Variants in FAM13A observed in about 807,000 individuals in gnomAD.
FAM13A encodes protein FAM13A.
Under a neutral mutation model 129.6 loss-of-function variants are expected in FAM13A, and 76 were observed. The observed-to-expected ratio is 0.59, with a 90% CI of 0.49 to 0.71. The LOEUF (loss-of-function observed/expected upper bound fraction) is 0.71. FAM13A is among the 30% of genes least tolerant of loss of function. The pLI is 0.00. For missense variants in FAM13A, 1,108 were observed against 1,249.3 expected, an observed-to-expected ratio of 0.89 and a Z score of 1.70; for synonymous variants, 443 against 449.9, an observed-to-expected ratio of 0.98 and a Z score of 0.20.
At chr4:88,850,155 T>C (rs1322198125) in intron 7 of FAM13A, among the ~76,000 whole-genome samples, 1 of 152,156 alleles carries the variant, frequency 6.6e-6, no homozygotes, top group Non-Finnish European at 1.5e-5. Context: ...TAATAGAAGA[T>C]ATTATTAAAA....
At chr4:89,013,304 C>T (rs1485446048) in intron 3 of FAM13A, among the ~76,000 whole-genome samples, 2 of 147,332 alleles carry the variant, frequency 1.4e-5, no homozygotes, top group Non-Finnish European at 3.0e-5. Flanking sequence ...ATATATAAAA[C>T]ACAGTATATA....
At chr4:88,795,866 C>A (rs1343330081) in intron 8 of FAM13A, among the ~76,000 whole-genome samples, 8 of 151,754 alleles carry the variant, frequency 5.3e-5, no homozygotes, top group Non-Finnish European at 8.9e-5. Flanking sequence ...GATGTATTCT[C>A]TAATCTTTTA....
rs574579468 is a variant in FAM13A, at chr4:89,016,115, G to T, written c.427+4345C>A. Among the ~76,000 whole-genome samples, 10 of 151,796 alleles carry T rather than the reference G, an allele frequency of 6.6e-5. No homozygotes were observed. In the South Asian group the frequency reaches 2.1e-3, roughly 31 times the overall value. On this transcript the variant is annotated intron_variant, in intron 3 of 23. Coordinates refer to ENST00000264344, the MANE Select transcript of FAM13A (RefSeq NM_014883.4). ...AGACTTTCCATTGGAACAAGATATG[G>T]AGGTGGAAGGTAGTAATATTGATGA... is the stretch of plus-strand genomic sequence containing the variant.
chr4:88,767,572 C>G lies in FAM13A; in HGVS notation c.1559G>C (p.Gly520Ala), dbSNP rs1333966612. 6.2e-7 allele frequency: 1 copy of G among 1,602,630 alleles called. No individual in the cohort carries two copies. The highest frequency in any genetic ancestry group is 1.8e-5 in the Admixed American group (1 of 56,516). Reference protein sequence around the residue: ...DERKGNEKDGGHTQHFESPTM... With the variant: ...DERKGNEKDGAHTQHFESPTM... ...ACTCACCTCAAAATGCTGAGTGTGT[C>G]CACCATCTTTTTCATTTCCTTTCCT... Residue 520 changes from glycine (G) to alanine (A), a missense_variant, in exon 13 of 24, where the codon GGA (glycine) becomes GCA (alanine). This residue lies in a region of FAM13A where 13 missense variants were observed against 32.4 expected (regional missense o/e 0.40). Coordinates refer to ENST00000264344, the MANE Select transcript of FAM13A (RefSeq NM_014883.4).
chr4:88,928,041 T>C (rs1233921579), intron 5 of FAM13A, among the ~76,000 whole-genome samples: 1 of 152,148 alleles, frequency 6.6e-6, no homozygotes, highest in Non-Finnish European at 1.5e-5. Flanking sequence ...GTTTTCATTT[T>C]CATCTGATTC....
chr4:88,867,319 T>C (rs923652114), intron 6 of FAM13A, among the ~76,000 whole-genome samples: 3 of 152,208 alleles, frequency 2.0e-5, no homozygotes, highest in Non-Finnish European at 4.4e-5. Context: ...TCTTGTGCTT[T>C]AGAAACATTA....
chr4:88,945,917 T>C (rs1755664917), intron 4 of FAM13A, among the ~76,000 whole-genome samples: 2 of 136,878 alleles, frequency 1.5e-5, no homozygotes, highest in Non-Finnish European at 3.1e-5. Context: ...AGACTATATA[T>C]ATATAGTATA....
chr4:88,888,205 C>T (rs1315759537), intron 6 of FAM13A, among the ~76,000 whole-genome samples: 1 of 152,206 alleles, frequency 6.6e-6, no homozygotes, highest in Non-Finnish European at 1.5e-5. Context: ...TACTTAAATT[C>T]TGTCTCCTCC....
chr4:88,759,068 A>G, intron 13 of FAM13A, 167 bp from the exon 14 acceptor site: 1 of 619,934 alleles, frequency 1.6e-6, no homozygotes, highest in Admixed American at 3.0e-5. Flanking sequence ...CTAGCTGGCC[A>G]CTTGCATGCA....
chr4:88,990,935 G>C lies in FAM13A; in HGVS notation c.605+38C>G, dbSNP rs369354988. On this transcript the variant is annotated intron_variant, in intron 4 of 23. Coordinates refer to ENST00000264344, the MANE Select transcript of FAM13A (RefSeq NM_014883.4). ...TCAGACAGTAGTAAACACAAAGGGG[G>C]ACATGATGATATTAACAGTAAAACT... The C allele has an allele frequency of 7.1e-5, 105 of 1,483,884 alleles. 1 individual carries two copies. The highest frequency in any genetic ancestry group is 8.8e-5 in the Non-Finnish European group (93 of 1,062,252). 91.9% of individuals were successfully genotyped at this position (1,483,884 alleles called of 1,614,324 possible).
chr4:89,000,196 TACTC>T (rs1342132063), intron 3 of FAM13A, among the ~76,000 whole-genome samples: 4 of 152,144 alleles, frequency 2.6e-5, no homozygotes, highest in South Asian at 4.1e-4. Flanking sequence ...TACAGGTAGA[TACTC>T]AAGAGAAATG....
At chr4:89,021,770 G>A (rs936241496) in intron 2 of FAM13A, among the ~76,000 whole-genome samples, 1 of 152,000 alleles carries the variant, frequency 6.6e-6, no homozygotes, top group Non-Finnish European at 1.5e-5. Context: ...TGGTGGAAAA[G>A]AAGTGAAAAA....
At chr4:88,905,129 A>C (rs1240224367) in intron 6 of FAM13A, among the ~76,000 whole-genome samples, 1 of 152,084 alleles carries the variant, frequency 6.6e-6, no homozygotes, top group Non-Finnish European at 1.5e-5. Flanking sequence ...GGCTAGAAAA[A>C]ATTATATGTA....
At chr4:88,945,990 G>GTGTGTGTGTATATATA in intron 4 of FAM13A, among the ~76,000 whole-genome samples, 46 of 61,892 alleles carry the variant, frequency 7.4e-4, no homozygotes, top group Admixed American at 1.9e-3. Flanking sequence ...GTGTGTGTGT[G>GTGTGTGTGTATATATA]TATATATATA....
chr4:88,997,157 A>G (rs182903321), intron 3 of FAM13A, among the ~76,000 whole-genome samples: 4 of 152,346 alleles, frequency 2.6e-5, no homozygotes, highest in Admixed American at 2.0e-4. Context: ...CAGATGTATT[A>G]ACATATGTTA....
chr4:88,748,176 G>A (rs1741785052), intron 17 of FAM13A, among the ~76,000 whole-genome samples: 1 of 152,206 alleles, frequency 6.6e-6, no homozygotes, highest in Non-Finnish European at 1.5e-5. Context: ...ACAGGCGTGA[G>A]CCACTGCGCC....
chr4:88,875,780 C>G (rs190028727), intron 6 of FAM13A, among the ~76,000 whole-genome samples: 1 of 152,290 alleles, frequency 6.6e-6, no homozygotes, highest in Admixed American at 6.5e-5. Flanking sequence ...ACCCCGTGAT[C>G]TCATTATTGG....
At chr4:88,970,162 A>G (rs1759876646) in intron 4 of FAM13A, among the ~76,000 whole-genome samples, 1 of 152,256 alleles carries the variant, frequency 6.6e-6, no homozygotes, top group Admixed American at 6.5e-5. Context: ...CCCTTGAAAA[A>G]GTATATTTCA....
intron 6 of FAM13A, among the ~76,000 whole-genome samples, chr4:88,868,639 T>C (rs1371437473): frequency 1.3e-5 from 2 of 152,186 alleles, no homozygotes; most frequent in African/African-American, 2.4e-5. Flanking sequence ...CGCAGGTTCA[T>C]TGCCTGCTGT....
Sources: gnomAD v4.1 joint callset for allele counts (sites outside exome capture counted in the v4.1 genomes callset) on GRCh38, gnomAD v4.1.1 for gene constraint, gnomAD v4.1.1 regional missense constraint, MANE v1.5 for transcripts, NCBI Gene and HGNC (gene_info 2026-07-23, HGNC 2026-07-21) for gene names.